Variants in NSD2 observed in about 807,000 individuals in gnomAD.
NSD2 encodes nuclear receptor binding SET domain protein 2, also known as histone-lysine N-methyltransferase NSD2.
NSD2 carries 12 observed loss-of-function variants against 139.0 expected under a neutral mutation model. That is an observed-to-expected ratio of 0.09 (90% CI 0.06 to 0.14). The LOEUF (loss-of-function observed/expected upper bound fraction) is 0.14, where lower values mean the gene tolerates loss of function less well. NSD2 is among the 10% of genes least tolerant of loss of function. The pLI, the probability that NSD2 is intolerant of heterozygous loss-of-function variation, is 1.00. For synonymous variants in NSD2, 669 were observed against 648.7 expected (o/e 1.03, Z -0.48); for missense variants, 1,155 against 1,745.0 (o/e 0.66, Z 6.02).
At chr4:1,876,546 G>T (rs1466596091) in intron 1 of NSD2, among the ~76,000 whole-genome samples, 1 of 152,212 alleles carries the variant, frequency 6.6e-6, no homozygotes, top group East Asian at 1.9e-4. Flanking sequence ...TTGAAAATTA[G>T]CTGGGCTTGG....
At chr4:1,967,229 A>C (rs1393050586) in intron 18 of NSD2, among the ~76,000 whole-genome samples, 2 of 152,216 alleles carry the variant, frequency 1.3e-5, no homozygotes, top group Non-Finnish European at 2.9e-5. Flanking sequence ...AATCATGAAA[A>C]AAATGGAAAA....
At chr4:1,970,215 A>G (rs1459897151) in intron 18 of NSD2, among the ~76,000 whole-genome samples, 3 of 152,322 alleles carry the variant, frequency 2.0e-5, no homozygotes, top group Middle Eastern at 6.8e-3. Context: ...GTAGATACCC[A>G]GGCAAAAAAA....
chr4:1,960,950 G>A lies in NSD2; in HGVS notation c.3256-85G>A, dbSNP rs911579110. 4 of 1,031,110 alleles carry A rather than the reference G, an allele frequency of 3.9e-6. No individual in the cohort carries two copies. The African/African-American group carries it at 6.2e-5, about 16-fold the overall frequency. 63.9% of individuals were successfully genotyped at this position (1,031,110 alleles called of 1,614,324 possible). A position where few individuals can be genotyped will look rare whatever the true frequency, so the allele number is the denominator to read the frequency against. On this transcript the variant is annotated intron_variant, in intron 17 of 21. Coordinates refer to ENST00000508803, the MANE Select transcript of NSD2 (RefSeq NM_001042424.3). Reference sequence around the variant, plus strand: ...CTGATGTGTGTGGTGCCCGTTCTAAGTGATCATGATGGGGAGTCTTGAGCC... The same window carrying A: ...CTGATGTGTGTGGTGCCCGTTCTAAATGATCATGATGGGGAGTCTTGAGCC...
intron 9 of NSD2, chr4:1,944,068 G>A: frequency 1.9e-6 from 2 of 1,066,056 alleles, no homozygotes; most frequent in Non-Finnish European, 1.1e-6. Flanking sequence ...GGATGGGAAT[G>A]ATAGTGTATC....
In NSD2 at chr4:1,942,803, A is replaced by G. The variant is rs1270075072; in HGVS notation, c.1881+3025A>G. The G allele has an allele frequency of 1.2e-5, 13 of 1,077,114 alleles. No homozygotes were observed. The highest frequency in any genetic ancestry group is 1.5e-5 in the Non-Finnish European group (13 of 885,856). 66.7% of individuals were successfully genotyped at this position (1,077,114 alleles called of 1,614,324 possible). ...TATCAGCGTCGCTACCCTCAGAAAC[A>G]AACTAACAGCACACGTTAGGAGGAG... is the stretch of plus-strand genomic sequence containing the variant. On this transcript the variant is annotated intron_variant, in intron 9 of 21. Coordinates refer to ENST00000508803, the MANE Select transcript of NSD2 (RefSeq NM_001042424.3). This position sits in a 1 kb window ranked among gnomAD's most constrained non-coding sequence, Gnocchi z 4.0.
intron 3 of NSD2, among the ~76,000 whole-genome samples, chr4:1,915,329 T>A (rs1370662164): frequency 6.6e-6 from 1 of 152,080 alleles, no homozygotes; most frequent in Non-Finnish European, 1.5e-5. Flanking sequence ...TTAGCCAGGA[T>A]GGTCTCGATT....
intron 5 of NSD2, among the ~76,000 whole-genome samples, chr4:1,928,699 A>G (rs1474321919): frequency 6.6e-6 from 1 of 152,010 alleles, no homozygotes; most frequent in Non-Finnish European, 1.5e-5. Context: ...CATTCATCCT[A>G]ACTGGGGGCT....
intron 9 of NSD2, chr4:1,944,013 T>C: frequency 1.9e-6 from 2 of 1,065,378 alleles, no homozygotes; most frequent in Admixed American, 5.3e-5. Context: ...AAGAGCAGCA[T>C]GACATTGGCA....
At chr4:1,898,539 C>CT (rs941578871) in intron 1 of NSD2, among the ~76,000 whole-genome samples, 7 of 151,752 alleles carry the variant, frequency 4.6e-5, no homozygotes, top group Admixed American at 2.0e-4. Flanking sequence ...TGGTGGGCGC[C>CT]TGTAGTCCCA....
intron 1 of NSD2, among the ~76,000 whole-genome samples, chr4:1,893,496 A>G (rs1577372892): frequency 6.6e-6 from 1 of 151,108 alleles, no homozygotes; most frequent in East Asian, 1.9e-4. Flanking sequence ...ATAAACTCTC[A>G]GTCTTTGCAT....
intron 18 of NSD2, among the ~76,000 whole-genome samples, chr4:1,965,867 G>C (rs1200484249): frequency 6.6e-6 from 1 of 152,208 alleles, no homozygotes; most frequent in Non-Finnish European, 1.5e-5. Context: ...ATGGCATGGA[G>C]GAAACCCTCC....
Position 1,980,169 on chromosome 4 carries a change from G to GAC in NSD2, c.*1263_*1264dup, listed in dbSNP as rs2109041141. ...ATGGGCACTGGTCTAGGCCAGGTATGACACCCACTCTCCTGTGAGATTTCA... is the reference window on the plus strand; with the variant it reads ...ATGGGCACTGGTCTAGGCCAGGTATGACACACCCACTCTCCTGTGAGATTTCA... On this transcript the variant is annotated 3_prime_UTR_variant, in exon 22 of 22. Coordinates refer to ENST00000508803, the MANE Select transcript of NSD2 (RefSeq NM_001042424.3). 1 of 233,376 alleles carries GAC rather than the reference G, an allele frequency of 4.3e-6. No individual in the cohort carries two copies. Among genetic ancestry groups the GAC allele is most frequent in the Non-Finnish European group, 8.5e-6 (1 of 118,084 alleles). The allele number at this position is 233,376 out of a possible 1,614,324, so 14.5% of individuals were successfully genotyped here.
intron 6 of NSD2, among the ~76,000 whole-genome samples, chr4:1,933,067 C>T (rs909273213): frequency 6.6e-6 from 1 of 152,250 alleles, no homozygotes; most frequent in Non-Finnish European, 1.5e-5. Context: ...ACTGCCTTTG[C>T]ACCAGCCTGC....
chr4:1,876,551 G>T (rs1045883891), intron 1 of NSD2, among the ~76,000 whole-genome samples: 1 of 152,116 alleles, frequency 6.6e-6, no homozygotes, highest in Non-Finnish European at 1.5e-5. Context: ...AATTAGCTGG[G>T]CTTGGTGGTG....
At chr4:1,944,123 G>A in intron 9 of NSD2, 5 of 1,066,394 alleles carry the variant, frequency 4.7e-6, no homozygotes, top group Non-Finnish European at 5.7e-6. Context: ...ACATTGGGAA[G>A]GTGGGCAGGG....
intron 5 of NSD2, among the ~76,000 whole-genome samples, chr4:1,922,331 G>A (rs1041070737): frequency 1.1e-4 from 16 of 152,154 alleles, no homozygotes; most frequent in African/African-American, 3.9e-4. Context: ...AGATACCATT[G>A]ATAATAGAAA....
chr4:1,975,441 G>A, intron 20 of NSD2, 41 bp downstream of exon 20: 1 of 1,585,308 alleles, frequency 6.3e-7, no homozygotes, highest in Admixed American at 1.7e-5. Context: ...GCTCTGTGTT[G>A]GCATTTTGCA....
intron 9 of NSD2, chr4:1,941,414 A>G (rs1312474811): frequency 1.8e-5 from 19 of 1,048,472 alleles, no homozygotes; most frequent in Non-Finnish European, 2.2e-5. Context: ...GAAGGCTTTG[A>G]TTTAGAGTAA....
In NSD2 at chr4:1,981,654, G is replaced by A. The variant is rs1386138813; in HGVS notation, c.*2745G>A. ...CCGTCCTCAGGCCGGCCTTTCTTCC[G>A]GCGACACCCGTCCATGGCTGGCTGG... is the stretch of plus-strand genomic sequence containing the variant. On this transcript the variant is annotated 3_prime_UTR_variant, in exon 22 of 22. Transcript: ENST00000508803. The A allele has an allele frequency of 1.0e-5, 4 of 389,556 alleles. No individual in the cohort carries two copies. Among genetic ancestry groups the A allele is most frequent in the Middle Eastern group, 6.5e-4 (1 of 1,548 alleles). 24.1% of individuals were successfully genotyped at this position (389,556 alleles called of 1,614,324 possible). A position where few individuals can be genotyped will look rare whatever the true frequency, so the allele number is the denominator to read the frequency against.
Sources: allele counts gnomAD v4.1 joint callset (sites outside exome capture counted in the v4.1 genomes callset), GRCh38; gene constraint gnomAD v4.1.1; non-coding constraint Gnocchi (gnomAD v3.1); transcripts MANE v1.5; gene names NCBI Gene and HGNC (gene_info 2026-07-23, HGNC 2026-07-21).